Variants in UNC79 observed in about 807,000 individuals in gnomAD.
The protein encoded by UNC79 is protein unc-79 homolog.
In UNC79, 37 loss-of-function variants were observed where a neutral mutation model predicts 283.1. That is an observed-to-expected ratio of 0.13 (90% confidence interval 0.10 to 0.17). The LOEUF (loss-of-function observed/expected upper bound fraction) is 0.17, where lower values mean the gene tolerates loss of function less well. UNC79 is among the 10% of genes least tolerant of loss of function. UNC79 has a pLI of 1.00. For missense variants in UNC79, 2,272 were observed against 3,211.1 expected, an observed-to-expected ratio of 0.71 and a Z score of 7.07; for synonymous variants, 1,107 against 1,200.2, an observed-to-expected ratio of 0.92 and a Z score of 1.61.
chr14:93,524,011 G>T (rs1172305814), exon 8 of UNC79: 2 of 1,614,134 alleles, frequency 1.2e-6, no homozygotes, highest in South Asian at 1.1e-5. Flanking sequence ...CACATTGAAT[G>T]CCACAATGCA....
chr14:93,536,388 C>G (rs1422610675), intron 11 of UNC79, among the ~76,000 whole-genome samples: 2 of 152,150 alleles, frequency 1.3e-5, no homozygotes, highest in African/African-American at 2.4e-5. Context: ...CTCTTTGGCT[C>G]TAGGCCCCAC....
chr14:93,658,042 A>G (rs1247393041), intron 38 of UNC79, among the ~76,000 whole-genome samples: 1 of 152,212 alleles, frequency 6.6e-6, no homozygotes, highest in Non-Finnish European at 1.5e-5. Flanking sequence ...TAAATGTCAC[A>G]TCAACTCCGA....
chr14:93,662,561 A>T, intron 39 of UNC79, 43 bp from the exon 43 acceptor site: 1 of 1,285,274 alleles, frequency 7.8e-7, no homozygotes, highest in South Asian at 1.4e-5. Flanking sequence ...TTTGAAATGA[A>T]GTAATCAGCA....
At chr14:93,577,924 G>T in exon 18 of UNC79, 1 of 1,614,000 alleles carries the variant, frequency 6.2e-7, no homozygotes, top group Admixed American at 1.7e-5. Flanking sequence ...AGTCCGTTTC[G>T]GAGTCCTTTG....
chr14:93,482,922 C>A (rs945170257), intron 4 of UNC79, among the ~76,000 whole-genome samples: 2 of 152,182 alleles, frequency 1.3e-5, no homozygotes, highest in Non-Finnish European at 2.9e-5. Context: ...CCTTCCTTAG[C>A]TCACAGGCCC....
At chr14:93,540,810 T>C (rs2061337698) in exon 13 of UNC79, 1 of 1,613,124 alleles carries the variant, frequency 6.2e-7, no homozygotes, top group Admixed American at 1.7e-5. Context: ...GGCTGCTCAG[T>C]CAATTCGGAA....
chr14:93,477,814 C>A, intron 4 of UNC79, 86 bp downstream of exon 4: 2 of 1,304,548 alleles, frequency 1.5e-6, no homozygotes, highest in Non-Finnish European at 2.1e-6. Flanking sequence ...TCTAGTTTTT[C>A]GAGATTATAA....
chr14:93,695,816 G>A (rs1056266405), intron 47 of UNC79, among the ~76,000 whole-genome samples: 6 of 144,462 alleles, frequency 4.2e-5, no homozygotes, highest in South Asian at 2.2e-4. Context: ...CGCTTAACCC[G>A]GAAGGTGGAG....
chr14:93,603,104 C>A, intron 25 of UNC79, 135 bp from the exon 26 acceptor site: 1 of 1,042,126 alleles, frequency 9.6e-7, no homozygotes, highest in Non-Finnish European at 1.4e-6. Flanking sequence ...TAGGACTCAT[C>A]ATAGAGGGAG....
intron 1 of UNC79, among the ~76,000 whole-genome samples, chr14:93,435,050 A>C (rs1386387918): frequency 6.6e-6 from 1 of 152,202 alleles, no homozygotes; most frequent in Non-Finnish European, 1.5e-5. Context: ...AGAAATCAAT[A>C]GATAGTTTTC....
chr14:93,527,664 A>G (rs1165651793), intron 8 of UNC79, among the ~76,000 whole-genome samples: 2 of 152,202 alleles, frequency 1.3e-5, no homozygotes, highest in Non-Finnish European at 2.9e-5. Context: ...AAAAGAGTGT[A>G]GTTCCAGAAA....
chr14:93,577,354 C>T (rs1218412380), intron 17 of UNC79, among the ~76,000 whole-genome samples: 1 of 152,150 alleles, frequency 6.6e-6, no homozygotes, highest in Non-Finnish European at 1.5e-5. Context: ...GTTGGGTGGA[C>T]AAATGGAGAA....
intron 14 of UNC79, among the ~76,000 whole-genome samples, chr14:93,554,075 G>T (rs1472306018): frequency 2.0e-5 from 3 of 152,218 alleles, no homozygotes; most frequent in Admixed American, 2.0e-4. Context: ...GCATGGCTGG[G>T]CATGGTGGGT....
At chr14:93,659,377 C>A in intron 39 of UNC79, 116 bp downstream of exon 42, 1 of 769,336 alleles carries the variant, frequency 1.3e-6, no homozygotes. Flanking sequence ...GCTTCCCTTT[C>A]AGCCTCCTTC....
intron 46 of UNC79, among the ~76,000 whole-genome samples, chr14:93,692,852 G>A (rs1378082870): frequency 6.6e-6 from 1 of 152,198 alleles, no homozygotes; most frequent in Non-Finnish European, 1.5e-5. Context: ...ACTGTGTATT[G>A]GAGGAGGACT....
chr14:93,513,511 G>A (rs2059924665), intron 7 of UNC79, among the ~76,000 whole-genome samples: 2 of 152,032 alleles, frequency 1.3e-5, no homozygotes, highest in South Asian at 2.1e-4. Context: ...GAGACCCTGT[G>A]TCTGGCCTAA....
At chr14:93,518,090 C>G (rs1022751421) in intron 7 of UNC79, among the ~76,000 whole-genome samples, 6 of 152,004 alleles carry the variant, frequency 3.9e-5, no homozygotes, top group Non-Finnish European at 7.4e-5. Context: ...CATCTGGTTC[C>G]ATTTACAGAG....
chr14:93,691,457 G>A, intron 45 of UNC79: 1 of 522,682 alleles, frequency 1.9e-6, no homozygotes, highest in South Asian at 2.5e-5. Context: ...GTTTAGGGAT[G>A]GGAATGTCAG....
intron 30 of UNC79, among the ~76,000 whole-genome samples, chr14:93,628,492 A>G (rs979467097): frequency 6.6e-6 from 1 of 152,164 alleles, no homozygotes; most frequent in South Asian, 2.1e-4. Context: ...TCTCTCCTAC[A>G]GAGAATTGAT....
Sources: gnomAD v4.1 joint callset for allele counts (sites outside exome capture counted in the v4.1 genomes callset) on GRCh38, gnomAD v4.1.1 for gene constraint, MANE v1.5 for transcripts, NCBI Gene and HGNC (gene_info 2026-07-23, HGNC 2026-07-21) for gene names.